The following HAUS4 variants were observed in gnomAD, a reference collection of about 807,000 sequenced individuals.
HAUS4 encodes the protein HAUS augmin-like complex subunit 4.
HAUS4 carries 34 observed loss-of-function variants against 50.6 expected under a neutral mutation model. The ratio of observed to expected loss-of-function variants is 0.67; its 90% CI spans 0.51 to 0.90. The LOEUF is 0.90. HAUS4 is among the 40% of genes least tolerant of loss of function. The pLI, the probability that HAUS4 is intolerant of heterozygous loss-of-function variation, is 0.00. For missense variants in HAUS4, 370 were observed against 428.7 expected (o/e 0.86, Z 1.21); for synonymous variants, 149 against 161.4 (o/e 0.92, Z 0.58).
rs569572740 is a variant in HAUS4, at chr14:22,949,904, G to A, written c.562+410C>T. On this transcript the variant is annotated intron_variant, in intron 6 of 9. Coordinates refer to ENST00000541587, the MANE Select transcript of HAUS4 (RefSeq NM_001166269.2). Reference sequence around the variant, plus strand: ...AGCACTTTGGGATGCCGAGGCAGGCGGATCACCTGAGGTTGGGAGTTCCAG... The same window carrying A: ...AGCACTTTGGGATGCCGAGGCAGGCAGATCACCTGAGGTTGGGAGTTCCAG... Among the ~76,000 whole-genome samples the A allele has an allele frequency of 6.6e-5, 10 of 152,152 alleles. No homozygotes were observed. In the East Asian group the frequency reaches 1.2e-3, roughly 18 times the overall value.
chr14:22,948,137 T>C (rs981007116), intron 6 of HAUS4, 124 bp from the exon 7 acceptor site: 28 of 996,530 alleles, frequency 2.8e-5, no homozygotes, highest in Non-Finnish European at 3.6e-5. Flanking sequence ...GGTTTTCTTC[T>C]AATAATCTAT....
At chr14:22,950,144 C>CAAAA (rs1318006409) in intron 6 of HAUS4, among the ~76,000 whole-genome samples, 170 bp downstream of exon 6, 1 of 140,890 alleles carries the variant, frequency 7.1e-6, no homozygotes, top group Non-Finnish European at 1.6e-5. Flanking sequence ...AAAAAAAAAA[C>CAAAA]AAAAAAACAA....
chr14:22,951,443 T>A, intron 5 of HAUS4, 112 bp downstream of exon 5: 1 of 1,244,210 alleles, frequency 8.0e-7, no homozygotes, highest in Non-Finnish European at 1.1e-6. Context: ...CTGACCACCC[T>A]GAATGTGTAT....
At chr14:22,950,922 A>G (rs1470325225) in intron 5 of HAUS4, among the ~76,000 whole-genome samples, 2 of 152,254 alleles carry the variant, frequency 1.3e-5, no homozygotes, top group Non-Finnish European at 2.9e-5. Context: ...CTTTGCTAAC[A>G]GTGCTATAGA....
chr14:22,947,768 A>G, intron 7 of HAUS4, 37 bp from the exon 8 acceptor site: 1 of 1,613,102 alleles, frequency 6.2e-7, no homozygotes, highest in Non-Finnish European at 8.5e-7. Flanking sequence ...GGCATAAATA[A>G]AGATAGTAGA....
At chr14:22,948,284 ATAAAAAAAATT>A (rs2044681207) in intron 6 of HAUS4, 2 of 387,668 alleles carry the variant, frequency 5.2e-6, no homozygotes, top group South Asian at 9.9e-5. Context: ...CTCTGTCTCT[ATAAAAAAAATT>A]CTAAAATATT....
At chr14:22,946,780 A>AATT in intron 9 of HAUS4, 72 bp from the exon 10 acceptor site, 2 of 1,013,278 alleles carry the variant, frequency 2.0e-6, no homozygotes, top group Non-Finnish European at 2.8e-6. Flanking sequence ...AAAATGAAAA[A>AATT]CTTTTTTTTT....
intron 2 of HAUS4, among the ~76,000 whole-genome samples, chr14:22,953,533 C>T (rs1413816921): frequency 1.3e-5 from 2 of 152,158 alleles, no homozygotes; most frequent in East Asian, 3.9e-4. Context: ...GCAATTTCCA[C>T]CTCCCGGGTT....
At chr14:22,949,957 C>T (rs993845889) in intron 6 of HAUS4, among the ~76,000 whole-genome samples, 9 of 151,924 alleles carry the variant, frequency 5.9e-5, no homozygotes, top group Non-Finnish European at 8.8e-5. Flanking sequence ...GGAGAAACCC[C>T]ATCTCTACTA....
chr14:22,952,310 G>T lies in HAUS4; in HGVS notation c.330+18C>A. ...TGGGATTACAGGTGTTAGCCACCAC[G>T]CCCAGCCTTTGCCTCACCTTTTTGT... On this transcript the variant is annotated intron_variant, in intron 4 of 9. Transcript: ENST00000541587. 1 of 1,608,990 alleles carries T rather than the reference G, an allele frequency of 6.2e-7. No homozygotes were observed. The highest frequency in any genetic ancestry group is 1.1e-5 in the South Asian group (1 of 90,838).
chr14:22,948,820 C>G (rs982189630), intron 6 of HAUS4, among the ~76,000 whole-genome samples: 4 of 152,102 alleles, frequency 2.6e-5, no homozygotes, highest in African/African-American at 9.7e-5. Context: ...CAGGCGTAAG[C>G]CACCGCGCCC....
intron 6 of HAUS4, among the ~76,000 whole-genome samples, chr14:22,949,214 C>A (rs950878864): frequency 1.2e-4 from 18 of 148,188 alleles, no homozygotes; most frequent in African/African-American, 4.5e-4. Context: ...AGGTGTTAAG[C>A]TTTATTATTT....
At position 22,947,178 on chromosome 14, in the gene HAUS4, G is replaced by C. The variant is rs1467209134; in HGVS notation, c.901C>G (p.Leu301Val). Residue 301 changes from leucine (L) to valine (V), a missense_variant, in exon 9 of 10, where the codon CTG (leucine) becomes GTG (valine). Leu to Val is a conservative substitution (Grantham distance 32). Transcript: ENST00000541587. ...YTVEKVEVHRLIRDRLEGAIH... is the reference protein window; with the variant it reads ...YTVEKVEVHRVIRDRLEGAIH... Reference sequence around the variant, plus strand: ...ACTCTTAGGAGTTCTCACCTAATCAGACGATGAACTTCCACTTTCTCAACA... The same window carrying C: ...ACTCTTAGGAGTTCTCACCTAATCACACGATGAACTTCCACTTTCTCAACA... The C allele has an allele frequency of 1.3e-6, 2 of 1,589,848 alleles. No homozygotes were observed. Among genetic ancestry groups the C allele is most frequent in the Non-Finnish European group, 1.7e-6 (2 of 1,158,234 alleles).
intron 2 of HAUS4, chr14:22,954,494 G>T (rs2044821760): frequency 6.6e-6 from 1 of 152,174 alleles, no homozygotes; most frequent in African/African-American, 2.4e-5. Context: ...CAGGTAGGAA[G>T]GACACCTTCA....
At chr14:22,956,884 G>A (rs1409747054) in intron 1 of HAUS4, 32 bp downstream of exon 1, 2 of 154,378 alleles carry the variant, frequency 1.3e-5, no homozygotes, top group Non-Finnish European at 2.9e-5. Flanking sequence ...CCTCTTCCCC[G>A]AAGCTCCGCC....
At position 22,947,965 on chromosome 14, in the gene HAUS4, T is replaced by G; in HGVS notation, c.611A>C (p.Glu204Ala). Reference protein sequence around the residue: ...VKAAKVWKLAEVLVGEQQQCQ... With the variant: ...VKAAKVWKLAAVLVGEQQQCQ... ...CTGCTGCTGCTCACCCACCAGGACC[T>G]CTGCGAGTTTCCACACCTTTGCTGC... The change falls in exon 7 of 10, where the codon GAG (glutamate) becomes GCG (alanine). Residue 204 changes from glutamate to alanine, a missense_variant. Physicochemically the swap from Glu to Ala is moderately radical, Grantham distance 107. Transcript: ENST00000541587. 6.2e-7 allele frequency: 1 copy of G among 1,613,952 alleles called. No individual in the cohort carries two copies. Among genetic ancestry groups the G allele is most frequent in the Non-Finnish European group, 8.5e-7 (1 of 1,179,924 alleles).
Position 22,952,552 on chromosome 14 carries a change from C to T in HAUS4, c.187G>A (p.Glu63Lys). The change falls in exon 3 of 10, where the codon GAG (glutamate) becomes AAG (lysine). Residue 63 changes from glutamate to lysine, a missense_variant. Physicochemically the swap from Glu to Lys is moderately conservative, Grantham distance 56. Coordinates refer to ENST00000541587, the MANE Select transcript of HAUS4 (RefSeq NM_001166269.2). ...CCCAAAGCCCTTACCTGAGCCTGCT[C>T]CTTTGCTAGGGTGAGGCTTAAGCCA... ...ESGLSLTLAK[E>K]QAQAWKEVRL... 6.2e-7 allele frequency: 1 copy of T among 1,613,198 alleles called. No homozygotes were observed.
At position 22,950,297 on chromosome 14, in the gene HAUS4, A is replaced by T; in HGVS notation, c.562+17T>A. On this transcript the variant is annotated intron_variant, in intron 6 of 9. Transcript: ENST00000541587. Reference sequence around the variant, plus strand: ...CCTGAAGTCCAGCTGTGAGCAGAACAGACAGCTAGCACTCACCTGAATTGG... The same window carrying T: ...CCTGAAGTCCAGCTGTGAGCAGAACTGACAGCTAGCACTCACCTGAATTGG... The T allele has an allele frequency of 7.1e-7, 1 of 1,412,016 alleles. No individual in the cohort carries two copies. Among genetic ancestry groups the T allele is most frequent in the Non-Finnish European group, 1.0e-6 (1 of 995,818 alleles). The allele number at this position is 1,412,016 out of a possible 1,614,324, so 87.5% of individuals were successfully genotyped here. A position where few individuals can be genotyped will look rare whatever the true frequency, so the allele number is the denominator to read the frequency against.
chr14:22,948,825 G>A lies in HAUS4; in HGVS notation c.563-812C>T, dbSNP rs370637048. Among the ~76,000 whole-genome samples the A allele has an allele frequency of 9.8e-4, 148 of 151,158 alleles. 5 individuals are homozygous for A. In the East Asian group the frequency reaches 0.026, roughly 27 times the overall value. ...GATGGTATTACAGGCGTAAGCCACC[G>A]CGCCCGGCCCGGACCTTAATTCTTA... On this transcript the variant is annotated intron_variant, in intron 6 of 9. Transcript: ENST00000541587.
Sources: gnomAD v4.1 joint callset for allele counts (sites outside exome capture counted in the v4.1 genomes callset) on GRCh38, gnomAD v4.1.1 for gene constraint, MANE v1.5 for transcripts, NCBI Gene and HGNC (gene_info 2026-07-23, HGNC 2026-07-21) for gene names.